Variants in ARHGEF3 observed in about 807,000 individuals in gnomAD.
ARHGEF3 encodes Rho guanine nucleotide exchange factor 3, also known as 59.8 kDA protein.
In ARHGEF3, 28 loss-of-function variants were observed where a neutral mutation model predicts 63.2. The observed-to-expected ratio is 0.44, with a 90% confidence interval of 0.33 to 0.61. The LOEUF is 0.61. ARHGEF3 is among the 20% of genes least tolerant of loss of function. The probability of loss-of-function intolerance (pLI) is 0.03; values close to 1 mark genes in which losing one functional copy is unlikely to be tolerated. For missense variants in ARHGEF3, 533 were observed against 659.3 expected, an observed-to-expected ratio of 0.81 and a Z score of 2.10; for synonymous variants, 266 against 254.2, an observed-to-expected ratio of 1.05 and a Z score of -0.44.
chr3:57,042,694 A>ATTTTTTTT (rs1340824293), intron 1 of ARHGEF3, among the ~76,000 whole-genome samples: 17 of 41,868 alleles, frequency 4.1e-4, no homozygotes, highest in South Asian at 1.1e-3. Context: ...ATATATATAT[A>ATTTTTTTT]TATATATTTT....
At chr3:56,915,211 T>C (rs2041955410) in intron 3 of ARHGEF3, among the ~76,000 whole-genome samples, 1 of 152,066 alleles carries the variant, frequency 6.6e-6, no homozygotes, top group South Asian at 2.1e-4. Flanking sequence ...CCCAGCACTT[T>C]GGGAGGCTGA....
At chr3:56,745,950 C>T (rs1288548487) in intron 6 of ARHGEF3, among the ~76,000 whole-genome samples, 1 of 152,198 alleles carries the variant, frequency 6.6e-6, no homozygotes, top group Non-Finnish European at 1.5e-5. Context: ...AGATTACAGG[C>T]GTGAGCCTGT....
At chr3:57,050,785 C>G (rs1704637555) in intron 1 of ARHGEF3, among the ~76,000 whole-genome samples, 1 of 152,228 alleles carries the variant, frequency 6.6e-6, no homozygotes, top group Admixed American at 6.5e-5. Flanking sequence ...TTCACACATA[C>G]AGTATTGATG....
chr3:56,909,308 C>A (rs979122590), intron 3 of ARHGEF3, among the ~76,000 whole-genome samples: 19 of 152,222 alleles, frequency 1.2e-4, no homozygotes, highest in African/African-American at 4.3e-4. Context: ...ATGTTAAATT[C>A]TTAGTATGTG....
chr3:56,943,097 C>G lies in ARHGEF3; in HGVS notation c.129+15726G>C, dbSNP rs528336227. Among the ~76,000 whole-genome samples the G allele has an allele frequency of 4.6e-5, 7 of 152,306 alleles. No homozygotes were observed. The South Asian group carries it at 1.4e-3, about 32-fold the overall frequency. On this transcript the variant is annotated intron_variant, in intron 3 of 12. Transcript: ENST00000338458. ...ATCCAGAAGATCTGGCTATGATAAT[C>G]GACAAAGGTGGTGACACTAAACAAC... is the stretch of plus-strand genomic sequence containing the variant.
At chr3:56,772,369 C>G (rs1233985240) in intron 2 of ARHGEF3, among the ~76,000 whole-genome samples, 1 of 152,182 alleles carries the variant, frequency 6.6e-6, no homozygotes, top group Non-Finnish European at 1.5e-5. Flanking sequence ...GAGGGAGAAC[C>G]TCAAACAGTT....
intron 1 of ARHGEF3, chr3:57,075,063 AACAT>A: frequency 6.0e-6 from 1 of 167,202 alleles, no homozygotes; most frequent in South Asian, 2.1e-4. Flanking sequence ...GTTTGACCAC[AACAT>A]TGGGCTCCAT....
At chr3:56,902,303 T>C (rs575299278) in intron 3 of ARHGEF3, among the ~76,000 whole-genome samples, 1 of 152,276 alleles carries the variant, frequency 6.6e-6, no homozygotes, top group South Asian at 2.1e-4. Context: ...TATGAAATCA[T>C]AAGTAATGAG....
chr3:56,905,875 T>C (rs1343118807), intron 3 of ARHGEF3, among the ~76,000 whole-genome samples: 1 of 151,906 alleles, frequency 6.6e-6, no homozygotes, highest in Non-Finnish European at 1.5e-5. Flanking sequence ...AATTCACTTC[T>C]TTTTTTTGGA....
intron 1 of ARHGEF3, among the ~76,000 whole-genome samples, chr3:57,061,612 A>G (rs938867206): frequency 5.9e-5 from 9 of 152,324 alleles, no homozygotes; most frequent in Admixed American, 5.2e-4. Context: ...GAATGCAAGT[A>G]TCTGTTTGGA....
chr3:56,978,038 A>G (rs1272552679), intron 2 of ARHGEF3, among the ~76,000 whole-genome samples: 1 of 152,144 alleles, frequency 6.6e-6, no homozygotes, highest in Non-Finnish European at 1.5e-5. Flanking sequence ...ACAGATCCAT[A>G]TACACCCTGC....
At chr3:56,867,287 C>T (rs2040281930) in intron 4 of ARHGEF3, among the ~76,000 whole-genome samples, 1 of 152,166 alleles carries the variant, frequency 6.6e-6, no homozygotes, top group South Asian at 2.1e-4. Flanking sequence ...CCAGACACTG[C>T]CCCAGATGTT....
chr3:56,997,459 G>A (rs926430411), intron 2 of ARHGEF3, among the ~76,000 whole-genome samples: 6 of 152,102 alleles, frequency 3.9e-5, no homozygotes, highest in African/African-American at 1.4e-4. Flanking sequence ...GCTAAGGGTG[G>A]GCAGAAAGAG....
intron 2 of ARHGEF3, among the ~76,000 whole-genome samples, chr3:56,959,715 C>A (rs898053064): frequency 6.6e-6 from 1 of 152,102 alleles, no homozygotes; most frequent in African/African-American, 2.4e-5. Context: ...CGGTGGCTCA[C>A]GTCTGTAATC....
At chr3:56,832,677 C>T (rs2317254) in intron 4 of ARHGEF3, among the ~76,000 whole-genome samples, 33,698 of 152,126 alleles carry the variant, frequency 0.22, 4,152 homozygotes, top group Admixed American at 0.38. Flanking sequence ...CACTGGTGAT[C>T]ATTATATTCA....
At chr3:56,909,221 A>C (rs11707972) in intron 3 of ARHGEF3, among the ~76,000 whole-genome samples, 38,025 of 152,210 alleles carry the variant, frequency 0.25, 5,918 homozygotes, top group East Asian at 0.51. Flanking sequence ...TTTTCTAAAG[A>C]GAATACTCAA....
At chr3:57,073,648 T>C in intron 1 of ARHGEF3, 1 of 1,566,664 alleles carries the variant, frequency 6.4e-7, no homozygotes, top group Admixed American at 1.9e-5. Context: ...TCCGGCCAAG[T>C]GCCCCAGCCT....
chr3:57,002,486 TA>T (rs1214917367), intron 2 of ARHGEF3, among the ~76,000 whole-genome samples: 1 of 45,422 alleles, frequency 2.2e-5, no homozygotes, highest in African/African-American at 8.9e-5. Context: ...ATGTTATATA[TA>T]TATATATATG....
At chr3:56,957,688 T>A (rs1700102215) in intron 3 of ARHGEF3, among the ~76,000 whole-genome samples, 1 of 152,122 alleles carries the variant, frequency 6.6e-6, no homozygotes, top group Non-Finnish European at 1.5e-5. Flanking sequence ...GAGGGCTTCT[T>A]CCAAGAGGAG....
Sources: allele counts gnomAD v4.1 joint callset (sites outside exome capture counted in the v4.1 genomes callset), GRCh38; gene constraint gnomAD v4.1.1; transcripts MANE v1.5; gene names NCBI Gene and HGNC (gene_info 2026-07-23, HGNC 2026-07-21).